Variants in ZNF827 observed in about 807,000 individuals in gnomAD.
ZNF827 encodes the protein zinc finger protein 827.
Under a neutral mutation model 102.4 loss-of-function variants are expected in ZNF827, and 13 were observed. The ratio of observed to expected loss-of-function variants is 0.13; its 90% CI spans 0.08 to 0.20. The LOEUF (loss-of-function observed/expected upper bound fraction) is 0.20, where lower values mean the gene tolerates loss of function less well. Ranked by LOEUF, ZNF827 falls within the 10% of genes least tolerant of loss-of-function variation. The pLI is 1.00. For synonymous variants in ZNF827, 523 were observed against 536.2 expected (o/e 0.98, Z 0.34); for missense variants, 1,103 against 1,344.4 (o/e 0.82, Z 2.81).
chr4:145,833,393 T>C (rs543568625), intron 7 of ZNF827, among the ~76,000 whole-genome samples: 22 of 152,320 alleles, frequency 1.4e-4, no homozygotes, highest in Non-Finnish European at 2.6e-4. Flanking sequence ...GCTGCCTCTC[T>C]GATTATTCAC....
At chr4:145,866,431 C>A (rs79857197) in intron 5 of ZNF827, among the ~76,000 whole-genome samples, 7,860 of 152,190 alleles carry the variant, frequency 0.052, 618 homozygotes, top group East Asian at 0.36. Flanking sequence ...AAATCTAGGG[C>A]CTGGTTGAAT....
chr4:145,863,755 C>T (rs1747936341), intron 5 of ZNF827, among the ~76,000 whole-genome samples: 1 of 152,092 alleles, frequency 6.6e-6, no homozygotes, highest in Admixed American at 6.5e-5. Flanking sequence ...AGAGTGACTG[C>T]TGCTCATGGG....
intron 5 of ZNF827, among the ~76,000 whole-genome samples, chr4:145,866,504 A>G (rs983150223): frequency 6.6e-6 from 1 of 152,246 alleles, no homozygotes; most frequent in Non-Finnish European, 1.5e-5. Flanking sequence ...ATAAATGAAT[A>G]TAAACCAGAA....
intron 8 of ZNF827, among the ~76,000 whole-genome samples, chr4:145,813,801 G>C (rs1422975250): frequency 1.3e-5 from 2 of 152,210 alleles, no homozygotes; most frequent in African/African-American, 4.8e-5. Context: ...GCAGGGATTT[G>C]AGGGGGTGAC....
intron 4 of ZNF827, among the ~76,000 whole-genome samples, chr4:145,875,181 T>C (rs1309000403): frequency 1.3e-5 from 2 of 152,174 alleles, no homozygotes; most frequent in Non-Finnish European, 2.9e-5. Context: ...CTAAAGACCA[T>C]CATTTGTTTT....
At chr4:145,820,755 C>T (rs1743063546) in intron 8 of ZNF827, among the ~76,000 whole-genome samples, 2 of 152,174 alleles carry the variant, frequency 1.3e-5, no homozygotes, top group African/African-American at 4.8e-5. Flanking sequence ...CCCAGCTAGG[C>T]TCCTGTCATT....
chr4:145,917,372 CT>C lies in ZNF827; in HGVS notation c.44-14158del. On this transcript the variant is annotated intron_variant, in intron 1 of 14. Transcript: ENST00000508784. ...TCAAGGGGCTGCATCTTGTGAGGGC[CT>C]TCTTGCTGCATCATAACATAGTTGA... 3.9e-5 allele frequency among the ~76,000 whole-genome samples: 6 copies of C among 152,198 alleles called. 1 individual carries two copies. The highest frequency in any genetic ancestry group is 3.9e-4 in the Admixed American group (6 of 15,276).
intron 7 of ZNF827, among the ~76,000 whole-genome samples, chr4:145,836,701 G>A (rs1215053377): frequency 2.0e-5 from 3 of 151,610 alleles, no homozygotes; most frequent in Non-Finnish European, 4.4e-5. Context: ...CTTCTTTCCT[G>A]TTCCTCACCC....
intron 11 of ZNF827, among the ~76,000 whole-genome samples, chr4:145,772,133 A>G (rs74486264): frequency 0.046 from 7,019 of 152,252 alleles, 525 homozygotes; most frequent in African/African-American, 0.16. Context: ...AGCAAGGGCC[A>G]CATCTGAATA....
At chr4:145,801,507 C>A (rs1279450639) in intron 8 of ZNF827, among the ~76,000 whole-genome samples, 3 of 152,124 alleles carry the variant, frequency 2.0e-5, no homozygotes, top group African/African-American at 7.2e-5. Context: ...AAATCTCTTT[C>A]TTTTTAGAGA....
intron 4 of ZNF827, among the ~76,000 whole-genome samples, chr4:145,881,064 A>T (rs1465640723): frequency 6.6e-6 from 1 of 152,238 alleles, no homozygotes; most frequent in East Asian, 1.9e-4. Context: ...CATTTATACA[A>T]AAACTGTATT....
At chr4:145,905,455 A>C (rs563303603) in intron 1 of ZNF827, among the ~76,000 whole-genome samples, 1 of 152,344 alleles carries the variant, frequency 6.6e-6, no homozygotes, top group Admixed American at 6.5e-5. Flanking sequence ...GTAAAATATC[A>C]AATGGAATTT....
At chr4:145,823,662 A>T in intron 7 of ZNF827, 137 bp from the exon 8 acceptor site, 1 of 629,910 alleles carries the variant, frequency 1.6e-6, no homozygotes, top group South Asian at 1.9e-5. Context: ...GAATATAAGA[A>T]GATTGTGCTT....
intron 5 of ZNF827, among the ~76,000 whole-genome samples, chr4:145,863,250 G>GT (rs1160929255): frequency 1.3e-5 from 2 of 152,164 alleles, no homozygotes; most frequent in East Asian, 3.8e-4. Context: ...ACAAAACCAA[G>GT]TTTTTTGCAA....
At chr4:145,774,392 T>C in intron 11 of ZNF827, 114 bp downstream of exon 11, 2 of 1,191,690 alleles carry the variant, frequency 1.7e-6, no homozygotes, top group South Asian at 1.5e-5. Context: ...CTTCCTTCCA[T>C]GGAAGGAAAA....
At chr4:145,815,579 T>A (rs1185458238) in intron 8 of ZNF827, among the ~76,000 whole-genome samples, 3 of 152,238 alleles carry the variant, frequency 2.0e-5, no homozygotes, top group Non-Finnish European at 4.4e-5. Context: ...ACTTTTCTTT[T>A]TTCTATCCTG....
rs1749667377 is a variant in ZNF827, at chr4:145,881,549, T to G, written c.1747+4129A>C. Among the ~76,000 whole-genome samples the G allele has an allele frequency of 2.6e-5, 4 of 152,304 alleles. No homozygotes were observed. In the South Asian group the frequency reaches 8.3e-4, roughly 32 times the overall value. Reference sequence around the variant, plus strand: ...AATTTTATATCTTGAAAAGGGTAGTTTTCGGAAAAAGAAATGATGTAAGGC... The same window carrying G: ...AATTTTATATCTTGAAAAGGGTAGTGTTCGGAAAAAGAAATGATGTAAGGC... On this transcript the variant is annotated intron_variant, in intron 4 of 14. Coordinates refer to ENST00000508784, the MANE Select transcript of ZNF827 (RefSeq NM_001306215.2).
At chr4:145,935,813 C>T (rs1193609994) in intron 1 of ZNF827, among the ~76,000 whole-genome samples, 1 of 152,088 alleles carries the variant, frequency 6.6e-6, no homozygotes, top group South Asian at 2.1e-4. Flanking sequence ...TCCTCTCAGA[C>T]GGAGAGGGTA....
chr4:145,795,305 G>A (rs942504569), intron 8 of ZNF827, among the ~76,000 whole-genome samples: 2 of 152,082 alleles, frequency 1.3e-5, no homozygotes, highest in Non-Finnish European at 2.9e-5. Flanking sequence ...CCCACCACCC[G>A]CCTGGCTAAT....
Sources: gnomAD v4.1 joint callset for allele counts (sites outside exome capture counted in the v4.1 genomes callset) on GRCh38, gnomAD v4.1.1 for gene constraint, MANE v1.5 for transcripts, NCBI Gene and HGNC (gene_info 2026-07-23, HGNC 2026-07-21) for gene names.